The following CTTN variants were observed in gnomAD, a reference collection of about 807,000 sequenced individuals.
CTTN encodes the protein src substrate cortactin.
In CTTN, 28 loss-of-function variants were observed where a neutral mutation model predicts 84.0. The observed-to-expected ratio is 0.33, with a 90% confidence interval of 0.25 to 0.46. The LOEUF (loss-of-function observed/expected upper bound fraction) is 0.46. CTTN is among the 20% of genes least tolerant of loss of function. The pLI is 1.00. For missense variants in CTTN, 641 were observed against 723.8 expected (o/e 0.89, Z 1.31); for synonymous variants, 301 against 288.8 (o/e 1.04, Z -0.43).
At chr11:70,433,067 G>A in intron 15 of CTTN, 34 bp from the exon 16 acceptor site, 1 of 1,602,040 alleles carries the variant, frequency 6.2e-7, no homozygotes, top group Non-Finnish European at 8.5e-7. Flanking sequence ...AGCCAGCATG[G>A]GCCCCGTGCC....
rs777463782 is a variant in CTTN at position 70,420,524 on chromosome 11, G to A, written c.790+14G>A. ...AATCCCAAAAAGGTACATTCACTCT[G>A]CCTGTATGCGAGATGGTTTTAGAAG... is the stretch of plus-strand genomic sequence containing the variant. On this transcript the variant is annotated intron_variant, in intron 10 of 17. Coordinates refer to ENST00000301843, the MANE Select transcript of CTTN (RefSeq NM_005231.4). The A allele has an allele frequency of 4.4e-6, 7 of 1,581,048 alleles. No individual in the cohort carries two copies. Among genetic ancestry groups the A allele is most frequent in the Non-Finnish European group, 6.1e-6 (7 of 1,149,950 alleles).
At chr11:70,416,871 T>A in intron 7 of CTTN, 142 bp from the exon 8 acceptor site, 1 of 673,642 alleles carries the variant, frequency 1.5e-6, no homozygotes, top group East Asian at 2.7e-5. Context: ...TATGGAGCAG[T>A]GGGTGGCTTG....
chr11:70,435,171 G>C lies in CTTN; in HGVS notation c.*9G>C. On this transcript the variant is annotated 3_prime_UTR_variant, in exon 18 of 18. Transcript: ENST00000301843. ...TGGAGCTGCGGCAGTAGGGCCCCCA[G>C]CCCCCCCCCGGAGCTGCGCCCTGGA... 6.6e-7 allele frequency: 1 copy of C among 1,522,416 alleles called. No homozygotes were observed. Among genetic ancestry groups the C allele is most frequent in the East Asian group, 2.4e-5 (1 of 41,536 alleles). 94.3% of individuals were successfully genotyped at this position (1,522,416 alleles called of 1,614,324 possible).
chr11:70,402,483 A>T (rs2057998355), intron 1 of CTTN, among the ~76,000 whole-genome samples: 1 of 152,258 alleles, frequency 6.6e-6, no homozygotes, highest in Admixed American at 6.5e-5. Context: ...TGACCTCCCT[A>T]TCCTCACCAC....
chr11:70,402,030 G>A lies in CTTN; in HGVS notation c.-97-3235G>A, dbSNP rs566955541. ...TAGCTGGGTGTGATGGCGCATGCCT[G>A]TAATCCCAGCTACTCGGGAAGCTGA... On this transcript the variant is annotated intron_variant, in intron 1 of 17. Coordinates refer to ENST00000301843, the MANE Select transcript of CTTN (RefSeq NM_005231.4). Among the ~76,000 whole-genome samples the A allele has an allele frequency of 2.0e-5, 3 of 152,232 alleles. No individual in the cohort carries two copies. The South Asian group carries it at 6.2e-4, about 32-fold the overall frequency.
intron 14 of CTTN, 39 bp downstream of exon 14, chr11:70,429,238 G>A (rs772370758): frequency 5.0e-6 from 8 of 1,588,274 alleles, no homozygotes; most frequent in Non-Finnish European, 6.9e-6. Context: ...ACCCTCCCTG[G>A]GACCTGTGCC....
At chr11:70,417,172 C>T (rs1312073228) in intron 8 of CTTN, 49 bp downstream of exon 8, 3 of 1,391,926 alleles carry the variant, frequency 2.2e-6, no homozygotes, top group South Asian at 1.2e-5. Context: ...CCAGAAACAC[C>T]CACGAGGGCA....
intron 11 of CTTN, chr11:70,422,129 G>A (rs1010955023): frequency 7.3e-6 from 2 of 273,406 alleles, no homozygotes; most frequent in South Asian, 8.1e-5. Flanking sequence ...CACCATATGT[G>A]TGTAACATCT....
At chr11:70,433,771 C>T (rs1421744757) in intron 17 of CTTN, 53 bp downstream of exon 17, 1 of 1,130,022 alleles carries the variant, frequency 8.8e-7, no homozygotes, top group Non-Finnish European at 1.4e-6. Flanking sequence ...CTGCGCCTGC[C>T]TCTGCTTGTT....
intron 13 of CTTN, among the ~76,000 whole-genome samples, chr11:70,428,383 C>T (rs1280705279): frequency 2.0e-5 from 3 of 152,020 alleles, no homozygotes; most frequent in African/African-American, 7.2e-5. Context: ...CCAGGATGGT[C>T]TTGATCTCTT....
chr11:70,420,170 T>C (rs1417166206), intron 9 of CTTN: 2 of 598,622 alleles, frequency 3.3e-6, no homozygotes, highest in South Asian at 2.1e-5. Flanking sequence ...GGAGCTTCCA[T>C]GGGGTCCTGT....
rs779195768 is a variant in CTTN at position 70,415,692 on chromosome 11, G to A, written c.432G>A (p.Lys144=). ...CTGTAGGCTTTGAATACCAGGGGAA[G>A]ACTGAGAAGCATGCCTCCCAGAAAG... ...QSAVGFEYQG[K]TEKHASQKDY... The change falls in exon 7 of 18, where the codon AAG becomes AAA. Residue 144 remains lysine, a synonymous_variant. Transcript: ENST00000301843. The A allele has an allele frequency of 6.2e-7, 1 of 1,614,198 alleles. No homozygotes were observed. Among genetic ancestry groups the A allele is most frequent in the South Asian group, 1.1e-5 (1 of 91,078 alleles).
chr11:70,406,092 C>T (rs563875325), intron 2 of CTTN, among the ~76,000 whole-genome samples: 3 of 152,382 alleles, frequency 2.0e-5, no homozygotes, highest in Admixed American at 6.5e-5. Flanking sequence ...AAGCAGATCA[C>T]TCTGGAAATT....
intron 13 of CTTN, among the ~76,000 whole-genome samples, chr11:70,426,397 C>G (rs1252182539): frequency 1.4e-5 from 2 of 142,976 alleles, no homozygotes; most frequent in Non-Finnish European, 3.0e-5. Flanking sequence ...GATGACAGAG[C>G]GAGACTCCGT....
intron 5 of CTTN, among the ~76,000 whole-genome samples, chr11:70,413,397 C>T (rs895748224): frequency 8.5e-5 from 13 of 152,322 alleles, no homozygotes; most frequent in Admixed American, 2.0e-4. Context: ...CCTGGGGCCT[C>T]GGTGTCAGGA....
chr11:70,416,133 C>T (rs576016855), intron 7 of CTTN: 7 of 183,660 alleles, frequency 3.8e-5, no homozygotes, highest in Non-Finnish European at 8.0e-5. Context: ...TATACACATA[C>T]GGTCTTAACT....
At chr11:70,403,928 TG>T (rs2058014814) in intron 1 of CTTN, among the ~76,000 whole-genome samples, 1 of 152,186 alleles carries the variant, frequency 6.6e-6, no homozygotes, top group Non-Finnish European at 1.5e-5. Context: ...TCTCCCAGGC[TG>T]GGGTGCAGTG....
chr11:70,435,221 C>G lies in CTTN; in HGVS notation c.*59C>G. Reference sequence around the variant, plus strand: ...ATCCTCACACTACAGATCAGGCCTTCTTTGGTTCTTGGGTGGTTTTGGGTT... The same window carrying G: ...ATCCTCACACTACAGATCAGGCCTTGTTTGGTTCTTGGGTGGTTTTGGGTT... On this transcript the variant is annotated 3_prime_UTR_variant, in exon 18 of 18. Transcript: ENST00000301843. 1 of 1,355,316 alleles carries G rather than the reference C, an allele frequency of 7.4e-7. No homozygotes were observed. The highest frequency in any genetic ancestry group is 9.5e-7 in the Non-Finnish European group (1 of 1,055,644). The allele number at this position is 1,355,316 out of a possible 1,614,324, so 84.0% of individuals were successfully genotyped here.
In CTTN at chr11:70,416,995, G is replaced by A. The variant is rs768093218; in HGVS notation, c.458-18G>A. 3.1e-6 allele frequency: 5 copies of A among 1,600,990 alleles called. No individual in the cohort carries two copies. Among genetic ancestry groups the A allele is most frequent in the Middle Eastern group, 3.3e-4 (2 of 6,034 alleles). On this transcript the variant is annotated intron_variant, in intron 7 of 17. Coordinates refer to ENST00000301843, the MANE Select transcript of CTTN (RefSeq NM_005231.4). ...TCGTCCTCAGGCCCCCGTGCTAATT[G>A]CTGCCCTGTCTCTCCAGACTACTCC... is the stretch of plus-strand genomic sequence containing the variant.
Sources: allele counts gnomAD v4.1 joint callset (sites outside exome capture counted in the v4.1 genomes callset), GRCh38; gene constraint gnomAD v4.1.1; transcripts MANE v1.5; gene names NCBI Gene and HGNC (gene_info 2026-07-23, HGNC 2026-07-21).